PRKCI: variants seen among roughly 807,000 people sequenced by gnomAD.
The protein encoded by PRKCI is protein kinase C iota type.
A neutral mutation model predicts 84.0 loss-of-function variants in PRKCI; 43 were observed. The observed-to-expected ratio is 0.51, with a 90% CI of 0.40 to 0.66. The LOEUF (loss-of-function observed/expected upper bound fraction) is 0.66, where lower values mean the gene tolerates loss of function less well. PRKCI is among the 30% of genes least tolerant of loss of function. The pLI, the probability that PRKCI is intolerant of heterozygous loss-of-function variation, is 0.00. For missense variants in PRKCI, 459 were observed against 745.6 expected, an observed-to-expected ratio of 0.62 and a Z score of 4.48; for synonymous variants, 216 against 234.4, an observed-to-expected ratio of 0.92 and a Z score of 0.72.
chr3:170,258,034 A>G (rs1299860060), intron 2 of PRKCI, among the ~76,000 whole-genome samples: 1 of 152,032 alleles, frequency 6.6e-6, no homozygotes, highest in African/African-American at 2.4e-5. Flanking sequence ...AGAAGGAAAG[A>G]AAAAAATGGA....
At chr3:170,255,888 C>CT (rs921628137) in intron 2 of PRKCI, among the ~76,000 whole-genome samples, 9 of 152,092 alleles carry the variant, frequency 5.9e-5, no homozygotes, top group East Asian at 5.8e-4. Context: ...TTACCAAATG[C>CT]TTTTTTTAGC....
chr3:170,235,759 G>A (rs556276342), intron 2 of PRKCI, among the ~76,000 whole-genome samples: 2 of 151,808 alleles, frequency 1.3e-5, no homozygotes, highest in African/African-American at 4.8e-5. Flanking sequence ...AGAGACGGGG[G>A]TTTCGCTATG....
intron 9 of PRKCI, among the ~76,000 whole-genome samples, chr3:170,280,775 CTA>C (rs1161456545): frequency 2.6e-5 from 4 of 152,068 alleles, no homozygotes; most frequent in Non-Finnish European, 5.9e-5. Flanking sequence ...AAGAAAACCT[CTA>C]TGTTTGTGCT....
At chr3:170,228,967 G>A (rs574988947) in intron 1 of PRKCI, among the ~76,000 whole-genome samples, 2 of 152,108 alleles carry the variant, frequency 1.3e-5, no homozygotes, top group African/African-American at 4.8e-5. Flanking sequence ...GTGAGAATAT[G>A]TGGTATCTGG....
intron 1 of PRKCI, among the ~76,000 whole-genome samples, chr3:170,233,685 A>G (rs573456623): frequency 6.6e-6 from 1 of 152,258 alleles, no homozygotes; most frequent in South Asian, 2.1e-4. Flanking sequence ...TTGATAAAGC[A>G]TAACTCCTTC....
chr3:170,225,037 T>C (rs1369216465), intron 1 of PRKCI, among the ~76,000 whole-genome samples: 3 of 152,234 alleles, frequency 2.0e-5, no homozygotes, highest in Non-Finnish European at 4.4e-5. Flanking sequence ...TCTTGGCTTA[T>C]TGCTCCAGTT....
intron 4 of PRKCI, among the ~76,000 whole-genome samples, chr3:170,264,216 G>A (rs1328417727): frequency 1.3e-5 from 2 of 149,080 alleles, no homozygotes; most frequent in Non-Finnish European, 3.0e-5. Flanking sequence ...CTCAGCACAT[G>A]TAATTAGGAA....
intron 1 of PRKCI, among the ~76,000 whole-genome samples, chr3:170,228,188 T>A (rs1732685005): frequency 6.6e-6 from 1 of 152,214 alleles, no homozygotes; most frequent in African/African-American, 2.4e-5. Flanking sequence ...AGCACTGTGC[T>A]TGACAGCTAA....
At chr3:170,249,571 T>C (rs946361558) in intron 2 of PRKCI, among the ~76,000 whole-genome samples, 5 of 152,002 alleles carry the variant, frequency 3.3e-5, no homozygotes, top group African/African-American at 9.7e-5. Flanking sequence ...AGACGATTGC[T>C]TGAGCCTAGG....
Position 170,281,873 on chromosome 3 carries a change from G to A in PRKCI, c.981-9G>A. On this transcript the variant is annotated splice_polypyrimidine_tract_variant and intron_variant, in intron 10 of 17. Transcript: ENST00000295797. ...ATCTTGATTTCATGGGTTCTCTCCT[G>A]TGTTTTAGATTGTTCTTTGTTATAG... The A allele has an allele frequency of 6.3e-7, 1 of 1,581,722 alleles. No individual in the cohort carries two copies. The highest frequency in any genetic ancestry group is 8.6e-7 in the Non-Finnish European group (1 of 1,166,794).
Position 170,297,306 on chromosome 3 carries a change from C to A in PRKCI, c.1500C>A (p.Asp500Glu), listed in dbSNP as rs373682853. ...ASVLKSFLNK[D>E]PKERLGCHPQ... ...TTGAAACATTTCTTTCACCATAGGA[C>A]CCTAAGGAACGATTGGGTTGTCATC... Residue 500 changes from aspartate (D) to glutamate (E), a missense_variant and splice_region_variant, in exon 16 of 18, where the codon GAC becomes GAA. Asp to Glu is a conservative substitution (Grantham distance 45). Around this residue, in one of 2 missense-constraint regions of PRKCI, gnomAD observed 209 missense variants for 425.9 expected, o/e 0.49. Transcript: ENST00000295797. 2.5e-6 allele frequency: 4 copies of A among 1,610,768 alleles called. No individual in the cohort carries two copies. In the African/African-American group the frequency reaches 5.3e-5, roughly 22 times the overall value.
At chr3:170,263,962 A>G (rs1733796545) in intron 4 of PRKCI, among the ~76,000 whole-genome samples, 1 of 152,270 alleles carries the variant, frequency 6.6e-6, no homozygotes, top group Non-Finnish European at 1.5e-5. Flanking sequence ...CACATATGAA[A>G]GGAATATTAA....
intron 1 of PRKCI, among the ~76,000 whole-genome samples, chr3:170,228,474 G>A (rs1160977973): frequency 6.6e-6 from 1 of 151,894 alleles, no homozygotes; most frequent in Non-Finnish European, 1.5e-5. Flanking sequence ...TACTAGGAGG[G>A]CGAGGTGGGA....
chr3:170,236,750 A>C (rs1732986747), intron 2 of PRKCI, among the ~76,000 whole-genome samples: 1 of 151,838 alleles, frequency 6.6e-6, no homozygotes, highest in Non-Finnish European at 1.5e-5. Context: ...GGTCCCAGCT[A>C]CTTGGGAGGC....
chr3:170,263,751 C>T lies in PRKCI; in HGVS notation c.364+322C>T, dbSNP rs77304203. On this transcript the variant is annotated intron_variant, in intron 4 of 17. Transcript: ENST00000295797. ...GTTTGAGGCTACAGTGAGCCAAGGT[C>T]GCACTACTTGCACTCTAGTGTGGGT... Among the ~76,000 whole-genome samples the T allele has an allele frequency of 3.0e-3, 462 of 151,856 alleles. 1 individual carries two copies. Among genetic ancestry groups the T allele is most frequent in the Non-Finnish European group, 4.5e-3 (303 of 67,966 alleles).
Position 170,303,173 on chromosome 3 carries a change from C to T in PRKCI, c.*46C>T, listed in dbSNP as rs533723433. 2.1e-5 allele frequency: 30 copies of T among 1,419,842 alleles called. No homozygotes were observed. In the South Asian group the frequency reaches 2.8e-4, roughly 13 times the overall value. The allele number at this position is 1,419,842 out of a possible 1,614,324, so 88.0% of individuals were successfully genotyped here. On this transcript the variant is annotated 3_prime_UTR_variant, in exon 18 of 18. Coordinates refer to ENST00000295797, the MANE Select transcript of PRKCI (RefSeq NM_002740.6). The stretch of plus-strand genomic sequence containing the variant: ...ATTCTACTCATGTTGCCATTTAATG[C>T]ATGGATAAACTTGCTGCAAGCCTGG...
intron 1 of PRKCI, among the ~76,000 whole-genome samples, chr3:170,230,165 CTTT>C (rs545430768): frequency 7.4e-6 from 1 of 134,894 alleles, no homozygotes. Flanking sequence ...TATTATGCAA[CTTT>C]TTTTTTTTTT....
chr3:170,295,483 C>T (rs1734667288), intron 14 of PRKCI, among the ~76,000 whole-genome samples: 1 of 151,982 alleles, frequency 6.6e-6, no homozygotes, highest in South Asian at 2.1e-4. Flanking sequence ...TTGAGACCAG[C>T]CCGGCCAGCA....
chr3:170,248,780 G>C (rs1454165422), intron 2 of PRKCI, among the ~76,000 whole-genome samples: 2 of 152,062 alleles, frequency 1.3e-5, no homozygotes, highest in Non-Finnish European at 2.9e-5. Context: ...ACAGCAAGCA[G>C]ATACTGGCCT....
Sources: gnomAD v4.1 joint callset for allele counts (sites outside exome capture counted in the v4.1 genomes callset) on GRCh38, gnomAD v4.1.1 for gene constraint, gnomAD v4.1.1 regional missense constraint, MANE v1.5 for transcripts, NCBI Gene and HGNC (gene_info 2026-07-23, HGNC 2026-07-21) for gene names.